Variants in DOCK3 observed in about 807,000 individuals in gnomAD.
DOCK3 encodes the protein dedicator of cytokinesis 3.
In DOCK3, 60 loss-of-function variants were observed where a neutral mutation model predicts 265.6. The observed-to-expected ratio is 0.23, with a 90% CI of 0.18 to 0.28. The LOEUF is 0.28. Ranked by LOEUF, DOCK3 falls within the 10% of genes least tolerant of loss-of-function variation. DOCK3 has a pLI of 1.00. For synonymous variants in DOCK3, 881 were observed against 938.0 expected, an observed-to-expected ratio of 0.94 and a Z score of 1.11; for missense variants, 1,981 against 2,594.3, an observed-to-expected ratio of 0.76 and a Z score of 5.14.
At chr3:51,112,092 C>T (rs2083544345) in intron 9 of DOCK3, among the ~76,000 whole-genome samples, 1 of 152,048 alleles carries the variant, frequency 6.6e-6, no homozygotes, top group Non-Finnish European at 1.5e-5. Flanking sequence ...GAAAAGGGAA[C>T]ACTTATACAC....
intron 22 of DOCK3, among the ~76,000 whole-genome samples, chr3:51,250,112 A>G: frequency 6.6e-6 from 1 of 151,776 alleles, no homozygotes; most frequent in Non-Finnish European, 1.5e-5. Context: ...CCTAATCTCA[A>G]GTACCCAGGG....
intron 1 of DOCK3, among the ~76,000 whole-genome samples, chr3:50,707,592 G>A (rs529057558): frequency 3.3e-5 from 5 of 152,262 alleles, no homozygotes; most frequent in East Asian, 3.9e-4. Flanking sequence ...TGGAAACTGC[G>A]GTGAGTCTTT....
At chr3:50,788,872 CG>C (rs2108588030) in intron 2 of DOCK3, among the ~76,000 whole-genome samples, 1 of 152,352 alleles carries the variant, frequency 6.6e-6, no homozygotes, top group Admixed American at 6.5e-5. Flanking sequence ...GTGCCCGCCC[CG>C]TCCCCTTCCT....
At chr3:50,857,453 AG>A (rs1220095928) in intron 3 of DOCK3, among the ~76,000 whole-genome samples, 1 of 152,224 alleles carries the variant, frequency 6.6e-6, no homozygotes, top group Non-Finnish European at 1.5e-5. Flanking sequence ...CAGAAACTAA[AG>A]AGCTTCTGCA....
At chr3:51,275,301 T>C in intron 25 of DOCK3, 95 bp downstream of exon 25, 1 of 1,554,972 alleles carries the variant, frequency 6.4e-7, no homozygotes, top group Non-Finnish European at 8.7e-7. Flanking sequence ...CTTTGTACAC[T>C]TTTCAGTCAC....
At chr3:51,312,939 T>G in intron 31 of DOCK3, 37 bp downstream of exon 31, 1 of 1,554,698 alleles carries the variant, frequency 6.4e-7, no homozygotes, top group South Asian at 1.2e-5. Context: ...TTCTATATAT[T>G]GCATAGCCAA....
intron 22 of DOCK3, among the ~76,000 whole-genome samples, chr3:51,248,509 G>A (rs1482500108): frequency 2.6e-5 from 4 of 152,232 alleles, no homozygotes; most frequent in African/African-American, 7.2e-5. Flanking sequence ...ATGGCGCCCA[G>A]GCTGGAGTGC....
intron 5 of DOCK3, among the ~76,000 whole-genome samples, chr3:50,951,003 A>G (rs901759227): frequency 1.2e-4 from 18 of 152,058 alleles, no homozygotes; most frequent in African/African-American, 4.3e-4. Flanking sequence ...TCTTAGAATA[A>G]ATATTGTTTG....
chr3:50,999,769 A>G (rs867948227), intron 5 of DOCK3, among the ~76,000 whole-genome samples: 1 of 152,224 alleles, frequency 6.6e-6, no homozygotes, highest in Non-Finnish European at 1.5e-5. Flanking sequence ...CTAATAGACC[A>G]AAATGATTAA....
intron 5 of DOCK3, among the ~76,000 whole-genome samples, chr3:50,947,670 G>T (rs751035001): frequency 9.2e-5 from 14 of 152,024 alleles, no homozygotes; most frequent in Non-Finnish European, 1.8e-4. Flanking sequence ...AATGAAATAT[G>T]TGGAATATCT....
intron 10 of DOCK3, among the ~76,000 whole-genome samples, chr3:51,158,004 G>C (rs1003600248): frequency 6.6e-6 from 1 of 151,662 alleles, no homozygotes; most frequent in Non-Finnish European, 1.5e-5. Flanking sequence ...AGATGAAAGA[G>C]GAAAAGGAAA....
Position 51,333,196 on chromosome 3 carries a change from C to T in DOCK3, c.3554C>T (p.Thr1185Ile). 2 of 1,613,906 alleles carry T rather than the reference C, an allele frequency of 1.2e-6. No individual in the cohort carries two copies. The highest frequency in any genetic ancestry group is 1.3e-5 in the African/African-American group (1 of 75,050). Residue 1185 changes from threonine (T) to isoleucine (I), a missense_variant, in exon 35 of 53, where the codon ACC becomes ATC. Coordinates refer to ENST00000266037, the MANE Select transcript of DOCK3 (RefSeq NM_004947.5). Reference sequence around the variant, plus strand: ...GTTGAACAAGAAACATGGCGCGAGACCGGCATTTCCTTTGTGACCTCAGTC... The same window carrying T: ...GTTGAACAAGAAACATGGCGCGAGATCGGCATTTCCTTTGTGACCTCAGTC... ...EKVEQETWRE[T>I]GISFVTSVTR... is the part of the protein sequence containing the mutation.
chr3:51,348,721 A>G (rs2085761449), intron 38 of DOCK3, 131 bp from the exon 39 acceptor site: 12 of 865,646 alleles, frequency 1.4e-5, no homozygotes, highest in Non-Finnish European at 2.2e-5. Flanking sequence ...GTCTTGAGGT[A>G]TATGTTCTTT....
chr3:51,090,508 A>T (rs1576034802), intron 9 of DOCK3, 124 bp downstream of exon 9: 1 of 1,041,670 alleles, frequency 9.6e-7, no homozygotes, highest in East Asian at 2.9e-5. Flanking sequence ...ACCTCATCTC[A>T]TTAGCTAGGA....
chr3:50,739,569 T>A (rs1421951723), intron 1 of DOCK3, among the ~76,000 whole-genome samples: 1 of 152,106 alleles, frequency 6.6e-6, no homozygotes, highest in African/African-American at 2.4e-5. Context: ...CAAGGAAGGG[T>A]TTTTATATCT....
intron 3 of DOCK3, among the ~76,000 whole-genome samples, chr3:50,864,922 G>A (rs1419285635): frequency 2.0e-5 from 3 of 151,614 alleles, no homozygotes; most frequent in Non-Finnish European, 4.4e-5. Flanking sequence ...GCTATTTGGG[G>A]TCTTTTGTGG....
intron 1 of DOCK3, among the ~76,000 whole-genome samples, chr3:50,716,450 C>T (rs931055605): frequency 1.3e-5 from 2 of 152,064 alleles, no homozygotes; most frequent in Non-Finnish European, 2.9e-5. Context: ...ATGGCGTGAA[C>T]CCAGGAGGTG....
At chr3:51,174,604 A>C (rs891411036) in intron 12 of DOCK3, among the ~76,000 whole-genome samples, 3 of 152,004 alleles carry the variant, frequency 2.0e-5, no homozygotes. Flanking sequence ...TGAACTCTTC[A>C]TTAAGAAATT....
chr3:51,210,480 T>A (rs1015173787), intron 13 of DOCK3, among the ~76,000 whole-genome samples: 1 of 152,180 alleles, frequency 6.6e-6, no homozygotes, highest in African/African-American at 2.4e-5. Context: ...GAAAACCTGT[T>A]TCAACCCCCT....
Sources: gnomAD v4.1 joint callset for allele counts (sites outside exome capture counted in the v4.1 genomes callset) on GRCh38, gnomAD v4.1.1 for gene constraint, MANE v1.5 for transcripts, NCBI Gene and HGNC (gene_info 2026-07-23, HGNC 2026-07-21) for gene names.